The following ALPK1 variants were observed in gnomAD, a reference collection of about 807,000 sequenced individuals.
ALPK1 encodes alpha kinase 1, also known as alpha-protein kinase 1.
A neutral mutation model predicts 120.6 loss-of-function variants in ALPK1; 110 were observed. The ratio of observed to expected loss-of-function variants is 0.91; its 90% CI spans 0.78 to 1.07. The LOEUF (loss-of-function observed/expected upper bound fraction) is 1.07, where lower values mean the gene tolerates loss of function less well. ALPK1 is among the 50% of genes least tolerant of loss of function. The probability of loss-of-function intolerance (pLI) is 0.00; values close to 1 mark genes in which losing one functional copy is unlikely to be tolerated. For synonymous variants in ALPK1, 582 were observed against 560.3 expected (o/e 1.04, Z -0.55); for missense variants, 1,498 against 1,483.9 (o/e 1.01, Z -0.16).
At chr4:112,359,840 C>G in intron 2 of ALPK1, 1 of 360,572 alleles carries the variant, frequency 2.8e-6, no homozygotes, top group Non-Finnish European at 5.4e-6. Context: ...AGGCCCTCAG[C>G]ATGCCCAGCG....
At chr4:112,403,163 G>A (rs375805031) in intron 4 of ALPK1, among the ~76,000 whole-genome samples, 3 of 151,976 alleles carry the variant, frequency 2.0e-5, no homozygotes, top group Admixed American at 2.0e-4. Flanking sequence ...ACACAGTTTG[G>A]CCCTCTTTCA....
chr4:112,337,979 T>A (rs1311741858), intron 2 of ALPK1, among the ~76,000 whole-genome samples: 1 of 152,234 alleles, frequency 6.6e-6, no homozygotes, highest in African/African-American at 2.4e-5. Context: ...ATGTCATTTT[T>A]CTTTTGAGAG....
At chr4:112,419,057 A>G (rs1733872600) in intron 5 of ALPK1, among the ~76,000 whole-genome samples, 1 of 152,266 alleles carries the variant, frequency 6.6e-6, no homozygotes. Flanking sequence ...TAAGAAATTC[A>G]GCAAGGTTGG....
intron 7 of ALPK1, 187 bp from the exon 8 acceptor site, chr4:112,426,280 T>C (rs1297019964): frequency 5.1e-6 from 2 of 394,728 alleles, no homozygotes; most frequent in Non-Finnish European, 9.0e-6. Context: ...CCCAGTGAAA[T>C]GGAAAAATTG....
chr4:112,382,165 C>T (rs1182867659), intron 3 of ALPK1, among the ~76,000 whole-genome samples: 2 of 152,184 alleles, frequency 1.3e-5, no homozygotes, highest in Non-Finnish European at 2.9e-5. Flanking sequence ...GCCTGACTAC[C>T]CCAATTTACC....
At chr4:112,309,802 C>G (rs939998118) in intron 1 of ALPK1, among the ~76,000 whole-genome samples, 1 of 152,042 alleles carries the variant, frequency 6.6e-6, no homozygotes, top group Non-Finnish European at 1.5e-5. Flanking sequence ...CCATTTCCTT[C>G]GTTTGTGGCC....
chr4:112,350,344 C>T (rs1730297343), intron 2 of ALPK1, among the ~76,000 whole-genome samples: 1 of 152,178 alleles, frequency 6.6e-6, no homozygotes, highest in African/African-American at 2.4e-5. Flanking sequence ...CAAAATAATG[C>T]AATGCTTCAC....
chr4:112,391,806 T>C (rs1252824811), intron 4 of ALPK1, among the ~76,000 whole-genome samples: 1 of 152,218 alleles, frequency 6.6e-6, no homozygotes, highest in Non-Finnish European at 1.5e-5. Context: ...GATACATCTA[T>C]ATTCTTTTAA....
intron 11 of ALPK1, among the ~76,000 whole-genome samples, chr4:112,434,327 C>T (rs990463187): frequency 2.0e-5 from 3 of 152,210 alleles, no homozygotes. Flanking sequence ...CAACCCTGGT[C>T]ACCATCCCGC....
chr4:112,304,131 TCTTAATCCA>T (rs1364273823), intron 1 of ALPK1, among the ~76,000 whole-genome samples: 1 of 152,246 alleles, frequency 6.6e-6, no homozygotes, highest in Non-Finnish European at 1.5e-5. Flanking sequence ...TGCCACATTT[TCTTAATCCA>T]GTCTATCATT....
rs1471898828 is a variant in ALPK1 at position 112,431,451 on chromosome 4, G to A, written c.1904G>A (p.Gly635Asp). Residue 635 changes from glycine (G) to aspartate (D), a missense_variant, in exon 11 of 16, where the codon GGC becomes GAC. By Grantham distance (94) the Gly-to-Asp change is moderately conservative. Coordinates refer to ENST00000650871, the MANE Select transcript of ALPK1 (RefSeq NM_025144.4). Reference sequence around the variant, plus strand: ...GAGGAGCTAGAGAATGACAGGGAAGGCAGAGCTATGCATTCATTGCATTCA... The same window carrying A: ...GAGGAGCTAGAGAATGACAGGGAAGACAGAGCTATGCATTCATTGCATTCA... ...LSEELENDRE[G>D]RAMHSLHSQL... 2 of 1,614,112 alleles carry A rather than the reference G, an allele frequency of 1.2e-6. No homozygotes were observed. The highest frequency in any genetic ancestry group is 1.7e-6 in the Non-Finnish European group (2 of 1,180,042).
At chr4:112,358,661 C>A in intron 2 of ALPK1, 1 of 711,062 alleles carries the variant, frequency 1.4e-6, no homozygotes. Flanking sequence ...ACAGGTGCTC[C>A]ACCCTGTCTC....
chr4:112,336,027 C>A (rs1322561046), intron 2 of ALPK1, among the ~76,000 whole-genome samples: 1 of 152,124 alleles, frequency 6.6e-6, no homozygotes, highest in Non-Finnish European at 1.5e-5. Context: ...ACCAACCAAT[C>A]CATGCCCTTG....
At chr4:112,420,646 T>C (rs1204334220) in intron 5 of ALPK1, among the ~76,000 whole-genome samples, 1 of 152,138 alleles carries the variant, frequency 6.6e-6, no homozygotes, top group East Asian at 1.9e-4. Context: ...CACTCAGCAG[T>C]CACGGTTCAT....
At chr4:112,337,003 T>C (rs548369485) in intron 2 of ALPK1, among the ~76,000 whole-genome samples, 2 of 152,266 alleles carry the variant, frequency 1.3e-5, no homozygotes, top group South Asian at 4.1e-4. Context: ...TTTCATGTTT[T>C]AAAATTGGAT....
intron 2 of ALPK1, among the ~76,000 whole-genome samples, chr4:112,375,180 C>CTTTTT (rs200078535): frequency 7.9e-6 from 1 of 127,350 alleles, no homozygotes; most frequent in African/African-American, 3.1e-5. Context: ...TGATGTTTTT[C>CTTTTT]TTTTTTTTTT....
rs770484725 is a variant in ALPK1 at position 112,430,633 on chromosome 4, C to T, written c.1086C>T (p.Thr362=). Residue 362 remains threonine (T), a synonymous_variant, in exon 11 of 16, where the codon ACC becomes ACT. Transcript: ENST00000650871. ...HSFVKAAFGL[T]TVHRRLHGET... ...TTGTCAAAGCTGCTTTCGGTCTCAC[C>T]ACAGTGCACAGAAGGCTCCATGGGG... 5.6e-6 allele frequency: 9 copies of T among 1,614,078 alleles called. No homozygotes were observed. The East Asian group carries it at 1.1e-4, about 20-fold the overall frequency.
At chr4:112,392,498 T>C (rs1732463197) in intron 4 of ALPK1, among the ~76,000 whole-genome samples, 1 of 152,184 alleles carries the variant, frequency 6.6e-6, no homozygotes, top group African/African-American at 2.4e-5. Flanking sequence ...TTAGTGAAAA[T>C]GTAATTGTGG....
chr4:112,315,506 T>G (rs1728597007), intron 1 of ALPK1, among the ~76,000 whole-genome samples: 1 of 152,200 alleles, frequency 6.6e-6, no homozygotes, highest in African/African-American at 2.4e-5. Flanking sequence ...TTTCCCCTAT[T>G]TAAGGGAGGG....
Sources: gnomAD v4.1 joint callset for allele counts (sites outside exome capture counted in the v4.1 genomes callset) on GRCh38, gnomAD v4.1.1 for gene constraint, MANE v1.5 for transcripts, NCBI Gene and HGNC (gene_info 2026-07-23, HGNC 2026-07-21) for gene names.